The following ANKS1B variants were observed in gnomAD, a reference collection of about 807,000 sequenced individuals.
ANKS1B encodes ankyrin repeat and sterile alpha motif domain-containing protein 1B.
Under a neutral mutation model 148.3 loss-of-function variants are expected in ANKS1B, and 36 were observed. That is an observed-to-expected ratio of 0.24 (90% CI 0.19 to 0.32). The LOEUF is 0.32. ANKS1B is among the 10% of genes least tolerant of loss of function. ANKS1B has a pLI of 1.00. For synonymous variants in ANKS1B, 542 were observed against 560.8 expected (o/e 0.97, Z 0.47); for missense variants, 1,157 against 1,542.6 (o/e 0.75, Z 4.19).
intron 1 of ANKS1B, among the ~76,000 whole-genome samples, chr12:99,983,840 T>C (rs1305625015): frequency 1.3e-5 from 2 of 152,192 alleles, no homozygotes; most frequent in African/African-American, 4.8e-5. Context: ...CTAGTACATG[T>C]ACAAGTTCTG....
intron 8 of ANKS1B, among the ~76,000 whole-genome samples, chr12:99,692,668 CAA>C (rs71088139): frequency 7.7e-4 from 99 of 128,402 alleles, no homozygotes; most frequent in East Asian, 1.2e-3. Flanking sequence ...AAGATTCTGT[CAA>C]AAAAAAAAAA....
intron 25 of ANKS1B, among the ~76,000 whole-genome samples, chr12:98,767,052 C>T (rs1566214375): frequency 6.6e-6 from 1 of 150,774 alleles, no homozygotes; most frequent in African/African-American, 2.4e-5. Context: ...CTCCTGGAGT[C>T]AAGTGATCCT....
chr12:98,774,409 G>A (rs1240138512), intron 24 of ANKS1B, among the ~76,000 whole-genome samples: 3 of 152,156 alleles, frequency 2.0e-5, no homozygotes, highest in Non-Finnish European at 4.4e-5. Context: ...TGGGAGAAAG[G>A]TTTAAGTACC....
At chr12:99,711,276 A>G (rs1411578202) in intron 8 of ANKS1B, among the ~76,000 whole-genome samples, 1 of 152,112 alleles carries the variant, frequency 6.6e-6, no homozygotes, top group Non-Finnish European at 1.5e-5. Context: ...TTTGTACTGC[A>G]CATCACAGTT....
intron 17 of ANKS1B, among the ~76,000 whole-genome samples, chr12:98,925,494 T>G: frequency 6.6e-6 from 1 of 152,196 alleles, no homozygotes; most frequent in East Asian, 1.9e-4. Flanking sequence ...CTGGCAAAAT[T>G]TGTCAAAATC....
intron 1 of ANKS1B, among the ~76,000 whole-genome samples, chr12:99,955,448 G>A (rs966484056): frequency 1.7e-4 from 22 of 127,828 alleles, no homozygotes; most frequent in African/African-American, 5.5e-4. Flanking sequence ...AGTCGAGATC[G>A]CGCCACTGCG....
intron 15 of ANKS1B, among the ~76,000 whole-genome samples, chr12:99,142,763 G>A (rs192808348): frequency 1.3e-5 from 2 of 152,184 alleles, no homozygotes; most frequent in Admixed American, 1.3e-4. Flanking sequence ...CCCACTCCCT[G>A]CAACAAGAAC....
intron 22 of ANKS1B, among the ~76,000 whole-genome samples, chr12:98,786,900 T>C (rs1391699924): frequency 6.6e-6 from 1 of 152,176 alleles, no homozygotes; most frequent in Admixed American, 6.5e-5. Flanking sequence ...GGGGAAGGGA[T>C]TTCCGGTTGG....
At chr12:99,651,472 C>G (rs1242608543) in intron 9 of ANKS1B, among the ~76,000 whole-genome samples, 4 of 152,158 alleles carry the variant, frequency 2.6e-5, no homozygotes, top group Admixed American at 2.0e-4. Context: ...TAACAGAGAC[C>G]AACTTTATCT....
At chr12:99,150,858 G>T (rs2074676553) in intron 15 of ANKS1B, among the ~76,000 whole-genome samples, 1 of 151,892 alleles carries the variant, frequency 6.6e-6, no homozygotes, top group Non-Finnish European at 1.5e-5. Context: ...CAGGAGGGAG[G>T]TGATGATATT....
At position 99,938,223 on chromosome 12, in the gene ANKS1B, G is replaced by A. The variant is rs114817006; in HGVS notation, c.134+45881C>T. On this transcript the variant is annotated intron_variant, in intron 1 of 26. Transcript: ENST00000683438. ...AGTGGCCATATGGCCAGGAACTGCA[G>A]GACGATTCTAGTTGCTGAAGCTGGC... Among the ~76,000 whole-genome samples, 632 of 152,304 alleles carry A rather than the reference G, an allele frequency of 4.1e-3. 4 individuals are homozygous for A. Among genetic ancestry groups the A allele is most frequent in the African/African-American group, 0.014 (601 of 41,570 alleles).
At chr12:99,030,109 T>G (rs575454702) in intron 17 of ANKS1B, among the ~76,000 whole-genome samples, 4 of 152,300 alleles carry the variant, frequency 2.6e-5, no homozygotes, top group Admixed American at 1.3e-4. Context: ...TGACTGGCTT[T>G]CTTCTGATTT....
At chr12:99,051,978 A>G (rs1049995741) in intron 17 of ANKS1B, among the ~76,000 whole-genome samples, 5 of 152,214 alleles carry the variant, frequency 3.3e-5, no homozygotes, top group African/African-American at 1.2e-4. Context: ...GAACCAGCAG[A>G]AACTTATTTG....
rs145027947 is a variant in ANKS1B, at chr12:99,377,867, C to A, written c.1756+21764G>T. ...TAAGAAATACAATCTGATTCCTGCCCCCTTAAACCTGGACAGGTTTGTGAC... is the reference window on the plus strand; with the variant it reads ...TAAGAAATACAATCTGATTCCTGCCACCTTAAACCTGGACAGGTTTGTGAC... On this transcript the variant is annotated intron_variant, in intron 12 of 26. Coordinates refer to ENST00000683438, the MANE Select transcript of ANKS1B (RefSeq NM_001352186.2). 9.9e-5 allele frequency among the ~76,000 whole-genome samples: 15 copies of A among 152,258 alleles called. No individual in the cohort carries two copies. In the East Asian group the frequency reaches 2.1e-3, roughly 22 times the overall value.
rs141821062 is a variant in ANKS1B, at chr12:98,785,848, G to C, written c.3343-3711C>G. Among the ~76,000 whole-genome samples, 37 of 152,234 alleles carry C rather than the reference G, an allele frequency of 2.4e-4. No individual in the cohort carries two copies. The East Asian group carries it at 6.8e-3, about 28-fold the overall frequency. The stretch of plus-strand genomic sequence containing the variant: ...TTCTGTTAAAAATTCAAGCTTTATT[G>C]ATTTGTATAAACAGAACTCTGTACT... On this transcript the variant is annotated intron_variant, in intron 22 of 26. Transcript: ENST00000683438.
intron 2 of ANKS1B, among the ~76,000 whole-genome samples, chr12:99,814,576 T>G (rs1183536889): frequency 6.6e-6 from 1 of 151,656 alleles, no homozygotes; most frequent in Admixed American, 6.6e-5. Flanking sequence ...AATACATAAC[T>G]TCAGTGAGGT....
At chr12:99,289,254 G>T (rs1050881621) in intron 12 of ANKS1B, among the ~76,000 whole-genome samples, 1 of 151,966 alleles carries the variant, frequency 6.6e-6, no homozygotes, top group Non-Finnish European at 1.5e-5. Context: ...AACACTGGAG[G>T]ATCAGATATG....
chr12:99,440,838 G>C (rs1038425167), intron 11 of ANKS1B, among the ~76,000 whole-genome samples: 2 of 151,724 alleles, frequency 1.3e-5, no homozygotes, highest in African/African-American at 4.8e-5. Context: ...AGGTATACAA[G>C]AGGCAAAGGA....
chr12:99,271,474 A>T (rs1016622151), intron 12 of ANKS1B, among the ~76,000 whole-genome samples: 18 of 151,862 alleles, frequency 1.2e-4, no homozygotes, highest in African/African-American at 4.4e-4. Flanking sequence ...AAGATTAGGG[A>T]TAATGTTTTC....
Sources: gnomAD v4.1 joint callset for allele counts (sites outside exome capture counted in the v4.1 genomes callset) on GRCh38, gnomAD v4.1.1 for gene constraint, MANE v1.5 for transcripts, NCBI Gene and HGNC (gene_info 2026-07-23, HGNC 2026-07-21) for gene names.